Variants in ASIC2 observed in about 807,000 individuals in gnomAD.
The protein encoded by ASIC2 is acid-sensing ion channel 2.
ASIC2 carries 25 observed loss-of-function variants against 57.3 expected under a neutral mutation model. The observed-to-expected ratio is 0.44, with a 90% CI of 0.32 to 0.61. ASIC2 has a LOEUF of 0.61. Ranked by LOEUF, ASIC2 falls within the 20% of genes least tolerant of loss-of-function variation. The pLI is 0.06. For missense variants in ASIC2, 641 were observed against 738.1 expected (o/e 0.87, Z 1.52); for synonymous variants, 319 against 307.5 (o/e 1.04, Z -0.39).
At chr17:33,095,744 C>T (rs2092176268) in intron 2 of ASIC2, among the ~76,000 whole-genome samples, 1 of 152,242 alleles carries the variant, frequency 6.6e-6, no homozygotes, top group African/African-American at 2.4e-5. Context: ...GCAAAGTCTG[C>T]CTGGACCATC....
intron 1 of ASIC2, among the ~76,000 whole-genome samples, chr17:33,414,799 G>A (rs1282107442): frequency 6.6e-6 from 1 of 152,170 alleles, no homozygotes; most frequent in East Asian, 1.9e-4. Context: ...TCTTCAAAAT[G>A]ACATCTTTTA....
chr17:33,476,513 A>G (rs56221968), intron 1 of ASIC2, among the ~76,000 whole-genome samples: 1 of 27,444 alleles, frequency 3.6e-5, no homozygotes, highest in Non-Finnish European at 7.4e-5. Context: ...GCATATATAT[A>G]TATATATATA....
At chr17:33,809,421 G>A (rs1426971162) in intron 1 of ASIC2, among the ~76,000 whole-genome samples, 1 of 152,250 alleles carries the variant, frequency 6.6e-6, no homozygotes, top group African/African-American at 2.4e-5. Flanking sequence ...ACACCTCTGA[G>A]TGCCAATACC....
chr17:33,579,286 C>CAAAAAAAAAA lies in ASIC2; in HGVS notation c.556-467229_556-467220dup, dbSNP rs71362894. On this transcript the variant is annotated intron_variant, in intron 1 of 9. Coordinates refer to the ASIC2 transcript ENST00000359872. ...GGGTAGCACGAATGAAACTGTGTCT[C>CAAAAAAAAAA]AAAAAAAAAAAAAAAAAATGCAGGT... is the stretch of plus-strand genomic sequence containing the variant. 1.8e-4 allele frequency among the ~76,000 whole-genome samples: 19 copies of CAAAAAAAAAA among 103,642 alleles called. 1 individual carries two copies. Among genetic ancestry groups the CAAAAAAAAAA allele is most frequent in the African/African-American group, 6.4e-4 (17 of 26,512 alleles). 68.0% of individuals were successfully genotyped at this position (103,642 alleles called of 152,430 possible).
At chr17:33,689,974 C>T (rs2142063024) in intron 1 of ASIC2, among the ~76,000 whole-genome samples, 1 of 152,364 alleles carries the variant, frequency 6.6e-6, no homozygotes, top group South Asian at 2.1e-4. Context: ...ACTCCGGTCT[C>T]CAAAACTGAG....
intron 1 of ASIC2, among the ~76,000 whole-genome samples, chr17:33,840,799 C>CCACACACACACACACACA (rs10525634): frequency 0.019 from 2,740 of 147,518 alleles, 43 homozygotes; most frequent in South Asian, 0.041. Context: ...CCTGGACACA[C>CCACACACACACACACACA]CACACACACA....
chr17:33,127,890 G>A (rs763632121), intron 1 of ASIC2, among the ~76,000 whole-genome samples: 1 of 152,150 alleles, frequency 6.6e-6, no homozygotes, highest in Non-Finnish European at 1.5e-5. Flanking sequence ...TTTTGGGCTG[G>A]CATATTGTTG....
intron 1 of ASIC2, among the ~76,000 whole-genome samples, chr17:33,350,122 G>A (rs1908102197): frequency 6.6e-6 from 1 of 152,144 alleles, no homozygotes; most frequent in Admixed American, 6.5e-5. Context: ...TCCCTATTGA[G>A]TCTCCTTGGA....
chr17:33,803,150 G>T (rs1029611686), intron 1 of ASIC2, among the ~76,000 whole-genome samples: 1 of 152,158 alleles, frequency 6.6e-6, no homozygotes, highest in Non-Finnish European at 1.5e-5. Flanking sequence ...TGAAGAAGTG[G>T]GTTGGTAATT....
chr17:33,478,877 G>A (rs966843336), intron 1 of ASIC2, among the ~76,000 whole-genome samples: 8 of 152,150 alleles, frequency 5.3e-5, no homozygotes, highest in African/African-American at 1.4e-4. Context: ...AGTTATTCTC[G>A]AACCACTAAT....
chr17:33,925,661 G>A (rs1284756123), intron 1 of ASIC2, among the ~76,000 whole-genome samples: 1 of 152,172 alleles, frequency 6.6e-6, no homozygotes, highest in African/African-American at 2.4e-5. Flanking sequence ...TCATGGCTGG[G>A]GCAGCTCTGC....
chr17:33,382,108 G>C (rs1327627144), intron 1 of ASIC2, among the ~76,000 whole-genome samples: 2 of 152,146 alleles, frequency 1.3e-5, no homozygotes, highest in Non-Finnish European at 2.9e-5. Flanking sequence ...TGCTCTGCCA[G>C]ACACCGGGCG....
Position 34,156,427 on chromosome 17 carries a change from C to T in ASIC2, c.106G>A (p.Gly36Arg). Residue 36 changes from glycine to arginine, a missense_variant, in exon 1 of 10, where the codon GGG (glycine) becomes AGG (arginine). Physicochemically the swap from Gly to Arg is moderately radical, Grantham distance 125. Coordinates refer to the ASIC2 transcript ENST00000359872. This position sits in a 1 kb window ranked among gnomAD's most constrained non-coding sequence, Gnocchi z 4.4. The stretch of plus-strand genomic sequence containing the variant: ...AGCACACGCCGGATGGTCAGCGGCC[C>T]ATACACGAAGATGTGGCGGATGCCA... 6.2e-7 allele frequency: 1 copy of T among 1,614,196 alleles called. No individual in the cohort carries two copies.
At chr17:33,287,261 T>C (rs1339801820) in intron 1 of ASIC2, among the ~76,000 whole-genome samples, 1 of 152,168 alleles carries the variant, frequency 6.6e-6, no homozygotes, top group Non-Finnish European at 1.5e-5. Context: ...AGCTAGGAAA[T>C]GGCAGCACCA....
intron 1 of ASIC2, among the ~76,000 whole-genome samples, chr17:33,798,551 A>T (rs1911989076): frequency 6.6e-6 from 1 of 152,222 alleles, no homozygotes; most frequent in South Asian, 2.1e-4. Context: ...TGTGGAGCGC[A>T]GCAGCTCTCA....
At chr17:33,951,272 T>G (rs753751048) in intron 1 of ASIC2, among the ~76,000 whole-genome samples, 17 of 152,218 alleles carry the variant, frequency 1.1e-4, no homozygotes, top group Non-Finnish European at 2.4e-4. Context: ...GGCCCTGTTA[T>G]GATTTCCATT....
intron 1 of ASIC2, among the ~76,000 whole-genome samples, chr17:33,810,602 A>T (rs1912390558): frequency 6.6e-6 from 1 of 152,224 alleles, no homozygotes; most frequent in Non-Finnish European, 1.5e-5. Flanking sequence ...CCATCTGAGC[A>T]GGTGTCACTG....
chr17:34,008,541 A>C (rs1245293131), intron 1 of ASIC2, among the ~76,000 whole-genome samples: 1 of 152,226 alleles, frequency 6.6e-6, no homozygotes, highest in East Asian at 1.9e-4. Context: ...AAGGAGAGAA[A>C]ATCAGCAAGC....
intron 3 of ASIC2, 46 bp downstream of exon 3, chr17:33,088,810 AGGGGGTC>A (rs2092146005): frequency 2.1e-5 from 33 of 1,536,576 alleles, no homozygotes; most frequent in Non-Finnish European, 2.9e-5. Flanking sequence ...GTGCCTCTGC[AGGGGGTC>A]GGGGGAGGCT....
Sources: allele counts gnomAD v4.1 joint callset (sites outside exome capture counted in the v4.1 genomes callset), GRCh38; gene constraint gnomAD v4.1.1; non-coding constraint Gnocchi (gnomAD v3.1); transcripts MANE v1.5; gene names NCBI Gene and HGNC (gene_info 2026-07-23, HGNC 2026-07-21).